Variants in EXTL3 observed in about 807,000 individuals in gnomAD.
The protein encoded by EXTL3 is exostosin like glycosyltransferase 3.
In EXTL3, 27 loss-of-function variants were observed where a neutral mutation model predicts 69.3. The observed-to-expected ratio is 0.39, with a 90% CI of 0.29 to 0.54. The LOEUF (loss-of-function observed/expected upper bound fraction) is 0.54, where lower values mean the gene tolerates loss of function less well. EXTL3 is among the 20% of genes least tolerant of loss of function. The pLI, the probability that EXTL3 is intolerant of heterozygous loss-of-function variation, is 0.69. For missense variants in EXTL3, 1,003 were observed against 1,231.8 expected (o/e 0.81, Z 2.78); for synonymous variants, 511 against 499.4 (o/e 1.02, Z -0.31).
intron 1 of EXTL3, among the ~76,000 whole-genome samples, chr8:28,695,795 G>T (rs1055027895): frequency 2.0e-5 from 3 of 152,176 alleles, no homozygotes; most frequent in Non-Finnish European, 4.4e-5. Context: ...TGTCTAAGAA[G>T]GGGGCATAAT....
intron 4 of EXTL3, among the ~76,000 whole-genome samples, chr8:28,732,699 A>G (rs1489293073): frequency 6.6e-6 from 1 of 152,186 alleles, no homozygotes; most frequent in Non-Finnish European, 1.5e-5. Flanking sequence ...GATGTTTTCA[A>G]GGTTCATCCA....
rs551947508 is a variant in EXTL3, at chr8:28,731,655, C to T, written c.2276+305C>T. 3.3e-5 allele frequency among the ~76,000 whole-genome samples: 5 copies of T among 152,200 alleles called. No homozygotes were observed. In the South Asian group the frequency reaches 1.0e-3, roughly 32 times the overall value. On this transcript the variant is annotated intron_variant, in intron 4 of 6. Coordinates refer to ENST00000220562, the MANE Select transcript of EXTL3 (RefSeq NM_001440.4). ...TGCTGCAGGTGTATCATCCTTAAAT[C>T]CAAACCACATGGGCAGAGAGTAGAG...
Position 28,751,020 on chromosome 8 carries a change from C to G in EXTL3, c.*154C>G. 2 of 678,498 alleles carry G rather than the reference C, an allele frequency of 2.9e-6. No homozygotes were observed. Among genetic ancestry groups the G allele is most frequent in the East Asian group, 5.5e-5 (2 of 36,642 alleles). The allele number at this position is 678,498 out of a possible 1,614,324, so 42.0% of individuals were successfully genotyped here. ...AGGAGGAGTGGAAGGAAACCGCTGC[C>G]TTTATCTTGAAGTCAGCCACACTGG... On this transcript the variant is annotated 3_prime_UTR_variant, in exon 7 of 7. Transcript: ENST00000220562.
At chr8:28,638,951 T>C (rs1003794345) in intron 1 of EXTL3, among the ~76,000 whole-genome samples, 4 of 150,380 alleles carry the variant, frequency 2.7e-5, no homozygotes, top group African/African-American at 7.4e-5. Context: ...TTTTTTTTTT[T>C]TTTTGAGATG....
At chr8:28,679,949 C>G (rs1585247398) in intron 1 of EXTL3, among the ~76,000 whole-genome samples, 1 of 152,154 alleles carries the variant, frequency 6.6e-6, no homozygotes, top group East Asian at 1.9e-4. Flanking sequence ...CAACTCAATC[C>G]AGGCTTTTTA....
intron 1 of EXTL3, chr8:28,710,242 G>C: frequency 3.1e-6 from 1 of 327,018 alleles, no homozygotes; most frequent in Non-Finnish European, 6.0e-6. Flanking sequence ...TCAGGAGGGA[G>C]GTGAAGATGG....
rs924561658 is a variant in EXTL3, at chr8:28,617,115, G to T, written n.314+9357G>T. Reference sequence around the variant, plus strand: ...AGCCAAGTATGTGGTGTGTCTGTGGGATGATTTGAGGAGTGTCTGCAAGAT... The same window carrying T: ...AGCCAAGTATGTGGTGTGTCTGTGGTATGATTTGAGGAGTGTCTGCAAGAT... On this transcript the variant is annotated intron_variant and non_coding_transcript_variant, in intron 2 of 4. Transcript: ENST00000522725. Among the ~76,000 whole-genome samples, 6 of 152,164 alleles carry T rather than the reference G, an allele frequency of 3.9e-5. No homozygotes were observed. In the East Asian group the frequency reaches 1.2e-3, roughly 29 times the overall value.
chr8:28,618,422 G>A (rs1439325705), upstream of EXTL3, among the ~76,000 whole-genome samples: 1 of 152,162 alleles, frequency 6.6e-6, no homozygotes, highest in Non-Finnish European at 1.5e-5. Context: ...GGGGGAAAAT[G>A]CAAAGGCCTA....
chr8:28,712,801 GC>G (rs1563213180), intron 1 of EXTL3, among the ~76,000 whole-genome samples: 1 of 152,164 alleles, frequency 6.6e-6, no homozygotes, highest in Non-Finnish European at 1.5e-5. Flanking sequence ...ATTTGTTTCT[GC>G]CCTCAGCTCT....
chr8:28,671,309 G>GTTTTTTTTTTTTTTTTTTT (rs749395423), intron 1 of EXTL3, among the ~76,000 whole-genome samples: 1 of 89,602 alleles, frequency 1.1e-5, no homozygotes, highest in Non-Finnish European at 2.3e-5. Context: ...TTTGTTTTTT[G>GTTTTTTTTTTTTTTTTTTT]TTTTTTTTTT....
chr8:28,632,805 C>T lies in EXTL3; in HGVS notation c.-53+9995C>T, dbSNP rs1269696539. Among the ~76,000 whole-genome samples, 5 of 151,864 alleles carry T rather than the reference C, an allele frequency of 3.3e-5. No individual in the cohort carries two copies. In the East Asian group the frequency reaches 7.8e-4, roughly 24 times the overall value. ...CTGACCTCAGGTGATCTGCCTGCCT[C>T]GGCCTCCCAAAGTGCTGTGATTACA... On this transcript the variant is annotated intron_variant, in intron 1 of 6. Transcript: ENST00000523149.
chr8:28,745,830 A>G (rs1392271720), intron 6 of EXTL3, among the ~76,000 whole-genome samples: 1 of 152,216 alleles, frequency 6.6e-6, no homozygotes, highest in Non-Finnish European at 1.5e-5. Context: ...GGTGGAAGTA[A>G]TTTAGACATG....
intron 3 of EXTL3, among the ~76,000 whole-genome samples, chr8:28,723,208 A>G (rs1049287899): frequency 6.6e-6 from 1 of 152,218 alleles, no homozygotes; most frequent in Admixed American, 6.5e-5. Flanking sequence ...AGGTGAAGCC[A>G]GCAGGAAAAA....
chr8:28,635,963 G>A (rs764870790), intron 1 of EXTL3, among the ~76,000 whole-genome samples: 14 of 152,006 alleles, frequency 9.2e-5, no homozygotes, highest in African/African-American at 2.7e-4. Context: ...CAAGCAATTC[G>A]CCTGCCTTAG....
chr8:28,714,296 T>G (rs1369752482), intron 2 of EXTL3, among the ~76,000 whole-genome samples: 1 of 152,196 alleles, frequency 6.6e-6, no homozygotes, highest in African/African-American at 2.4e-5. Flanking sequence ...AAATGTTACT[T>G]GAAAAAATGT....
chr8:28,731,113 C>G, intron 3 of EXTL3, 110 bp from the exon 4 acceptor site: 1 of 1,417,354 alleles, frequency 7.1e-7, no homozygotes, highest in South Asian at 1.2e-5. Flanking sequence ...GGAGATCAGG[C>G]AAAATTATTC....
At chr8:28,664,789 G>A (rs972214871) in intron 1 of EXTL3, among the ~76,000 whole-genome samples, 5 of 151,948 alleles carry the variant, frequency 3.3e-5, no homozygotes, top group Non-Finnish European at 5.9e-5. Flanking sequence ...ATTGCCCAGC[G>A]TTCTGAAATT....
In EXTL3 at chr8:28,611,733, T is replaced by C. The variant is rs1806274339; in HGVS notation, n.314+3975T>C. Among the ~76,000 whole-genome samples, 3 of 152,204 alleles carry C rather than the reference T, an allele frequency of 2.0e-5. No homozygotes were observed. The South Asian group carries it at 6.2e-4, about 32-fold the overall frequency. ...TTCTGTCAGAGCCACTTTGCTCCCT[T>C]GCCCACAGTGCCTTCCTTTCCTTAG... On this transcript the variant is annotated intron_variant and non_coding_transcript_variant, in intron 2 of 4. Coordinates refer to the EXTL3 transcript ENST00000522725.
At chr8:28,711,779 G>C (rs927155888) in intron 1 of EXTL3, among the ~76,000 whole-genome samples, 3 of 152,136 alleles carry the variant, frequency 2.0e-5, no homozygotes, top group African/African-American at 7.2e-5. Context: ...AGGAGGACTG[G>C]GTCCCAGCAA....
Sources: allele counts gnomAD v4.1 joint callset (sites outside exome capture counted in the v4.1 genomes callset), GRCh38; gene constraint gnomAD v4.1.1; transcripts MANE v1.5; gene names NCBI Gene and HGNC (gene_info 2026-07-23, HGNC 2026-07-21).